Variants in KCNC1 observed in about 807,000 individuals in gnomAD.
KCNC1 encodes the protein potassium voltage-gated channel subfamily C member 1, also known as voltage-gated potassium channel KCNC1.
KCNC1 carries 8 observed loss-of-function variants against 43.4 expected under a neutral mutation model. That is an observed-to-expected ratio of 0.18 (90% confidence interval 0.11 to 0.33). The LOEUF (loss-of-function observed/expected upper bound fraction) is 0.33, where lower values mean the gene tolerates loss of function less well. KCNC1 is among the 10% of genes least tolerant of loss of function. The pLI is 1.00. For synonymous variants in KCNC1, 361 were observed against 360.5 expected, an observed-to-expected ratio of 1.00 and a Z score of -0.01; for missense variants, 420 against 836.0, an observed-to-expected ratio of 0.50 and a Z score of 6.14.
rs911683551 is a variant in KCNC1 at position 17,774,883 on chromosome 11, C to T, written c.1504+2285C>T. 6 of 985,486 alleles carry T rather than the reference C, an allele frequency of 6.1e-6. 1 individual carries two copies. In the South Asian group the frequency reaches 1.9e-4, roughly 31 times the overall value. The allele number at this position is 985,486 out of a possible 1,614,324, so 61.0% of individuals were successfully genotyped here. On this transcript the variant is annotated intron_variant, in intron 2 of 3. Transcript: ENST00000265969. ...GATATCCTGACCCCCGAGGCTCCAG[C>T]CTCATCCCTCACCAGAACACTTCTC...
At chr11:17,760,010 G>A (rs553486461) in intron 1 of KCNC1, among the ~76,000 whole-genome samples, 6 of 152,292 alleles carry the variant, frequency 3.9e-5, no homozygotes, top group South Asian at 4.2e-4. Context: ...TATATGGAGC[G>A]CCTTCCTACT....
intron 1 of KCNC1, among the ~76,000 whole-genome samples, chr11:17,740,446 G>A (rs926037018): frequency 6.6e-6 from 1 of 152,124 alleles, no homozygotes; most frequent in African/African-American, 2.4e-5. Context: ...GAGGGCAGGG[G>A]GGTCATAGAG....
At chr11:17,772,704 C>T (rs1327388561) in intron 2 of KCNC1, 106 bp downstream of exon 2, 23 of 1,531,136 alleles carry the variant, frequency 1.5e-5, no homozygotes, top group African/African-American at 8.3e-5. Flanking sequence ...TGGGTGACCC[C>T]GGACCCCGCA....
intron 1 of KCNC1, among the ~76,000 whole-genome samples, chr11:17,764,130 C>T: frequency 6.9e-6 from 1 of 145,094 alleles, no homozygotes; most frequent in Non-Finnish European, 1.5e-5. Flanking sequence ...CATAGACACA[C>T]ACACACCCCC....
Position 17,772,486 on chromosome 11 carries a change from G to T in KCNC1, c.1392G>T (p.Pro464=), listed in dbSNP as rs754731923. 1 of 1,614,200 alleles carries T rather than the reference G, an allele frequency of 6.2e-7. No individual in the cohort carries two copies. The highest frequency in any genetic ancestry group is 1.1e-5 in the South Asian group (1 of 91,082). ...KKKKKHIPRP[P]QLGSPNYCKS... ...AAAAGAAGCATATTCCGCGGCCACC[G>T]CAGCTGGGATCTCCCAATTATTGTA... Residue 464 remains proline, a synonymous_variant, in exon 2 of 4, where the codon CCG becomes CCT. Transcript: ENST00000265969.
intron 1 of KCNC1, among the ~76,000 whole-genome samples, chr11:17,747,643 G>A (rs909267819): frequency 2.0e-4 from 30 of 152,300 alleles, no homozygotes; most frequent in African/African-American, 6.7e-4. Context: ...GGGTGGGGAC[G>A]AGCTAATATT....
chr11:17,779,766 A>G lies in KCNC1; in HGVS notation c.1693+122A>G, dbSNP rs1234335968. ...GGCAGGCACACCGAGGGGGGCAAGGATGGAGGGAATCTCCCAGGGTCGGCC... is the reference window on the plus strand; with the variant it reads ...GGCAGGCACACCGAGGGGGGCAAGGGTGGAGGGAATCTCCCAGGGTCGGCC... On this transcript the variant is annotated intron_variant, in intron 3 of 3. Coordinates refer to ENST00000265969, the MANE Select transcript of KCNC1 (RefSeq NM_001112741.2). The surrounding 1 kb of genome is among the most constrained non-coding windows in gnomAD (Gnocchi z 7.2). The G allele has an allele frequency of 4.9e-5, 38 of 770,314 alleles. No individual in the cohort carries two copies. The highest frequency in any genetic ancestry group is 6.7e-5 in the Non-Finnish European group (35 of 521,122). The allele number at this position is 770,314 out of a possible 1,614,324, so 47.7% of individuals were successfully genotyped here.
chr11:17,751,498 CG>C, intron 1 of KCNC1, among the ~76,000 whole-genome samples: 1 of 152,140 alleles, frequency 6.6e-6, no homozygotes, highest in East Asian at 1.9e-4. Context: ...ACATCCTGGA[CG>C]ATGGGACTTG....
chr11:17,762,550 T>C (rs891149195), intron 1 of KCNC1, among the ~76,000 whole-genome samples: 4 of 152,052 alleles, frequency 2.6e-5, no homozygotes, highest in African/African-American at 9.7e-5. Flanking sequence ...AGCAGGCGGG[T>C]GTGACGTCAC....
In KCNC1 at chr11:17,773,348, G is replaced by C; in HGVS notation, c.1504+750G>C. The C allele has an allele frequency of 1.0e-6, 1 of 985,436 alleles. No individual in the cohort carries two copies. Among genetic ancestry groups the C allele is most frequent in the Non-Finnish European group, 1.2e-6 (1 of 829,952 alleles). The allele number at this position is 985,436 out of a possible 1,614,324, so 61.0% of individuals were successfully genotyped here. A position where few individuals can be genotyped will look rare whatever the true frequency, so the allele number is the denominator to read the frequency against. On this transcript the variant is annotated intron_variant, in intron 2 of 3. Transcript: ENST00000265969. The surrounding 1 kb of genome is among the most constrained non-coding windows in gnomAD (Gnocchi z 4.1). ...TTCACGTTGTCTGTTTGGGTTGATG[G>C]TCGAGTGGGAGTTTCCGGTGACCCG...
intron 1 of KCNC1, among the ~76,000 whole-genome samples, chr11:17,761,654 C>A (rs1012476885): frequency 6.6e-6 from 1 of 152,240 alleles, no homozygotes; most frequent in Admixed American, 6.5e-5. Flanking sequence ...TTTCCTTCCA[C>A]CATGTGGCCT....
At chr11:17,763,456 C>T (rs1419499387) in intron 1 of KCNC1, among the ~76,000 whole-genome samples, 2 of 151,830 alleles carry the variant, frequency 1.3e-5, no homozygotes, top group Non-Finnish European at 2.9e-5. Flanking sequence ...GGAGATGGCC[C>T]GGACACGCAC....
At chr11:17,780,237 A>C (rs2133810847) in intron 3 of KCNC1, 2 of 152,474 alleles carry the variant, frequency 1.3e-5, no homozygotes, top group South Asian at 4.1e-4. Flanking sequence ...ACTTGCCAAG[A>C]GAAGGTGGTT....
rs750885846 is a variant in KCNC1 at position 17,736,422 on chromosome 11, C to A, written c.420C>A (p.Gly140=). The part of the protein sequence containing the change: ...SADDADADGP[G]DSGDGEDELE... ...ACGACGCGGACGCCGACGGCCCTGG[C>A]GACTCGGGCGACGGCGAGGACGAGC... The change falls in exon 1 of 4, where the codon GGC becomes GGA. Residue 140 remains glycine, a synonymous_variant. Transcript: ENST00000265969. The surrounding 1 kb of genome is among the most constrained non-coding windows in gnomAD (Gnocchi z 9.3). 24 of 1,607,428 alleles carry A rather than the reference C, an allele frequency of 1.5e-5. No individual in the cohort carries two copies. The highest frequency in any genetic ancestry group is 2.0e-5 in the Non-Finnish European group (24 of 1,178,278).
Position 17,782,627 on chromosome 11 carries a change from A to T in KCNC1, c.*893A>T, listed in dbSNP as rs1419557548. 6.6e-6 allele frequency: 1 copy of T among 152,230 alleles called. No individual in the cohort carries two copies. The allele number at this position is 152,230 out of a possible 1,614,324, so 9.4% of individuals were successfully genotyped here. On this transcript the variant is annotated 3_prime_UTR_variant, in exon 4 of 4. Coordinates refer to ENST00000265969, the MANE Select transcript of KCNC1 (RefSeq NM_001112741.2). ...GGAGCAGCCTCCTCCACCTTTACTAAGGCACAACCTGGCATTGTATGCAAT... is the reference window on the plus strand; with the variant it reads ...GGAGCAGCCTCCTCCACCTTTACTATGGCACAACCTGGCATTGTATGCAAT...
intron 1 of KCNC1, among the ~76,000 whole-genome samples, chr11:17,743,377 C>T (rs951919158): frequency 6.6e-6 from 1 of 151,932 alleles, no homozygotes; most frequent in African/African-American, 2.4e-5. Flanking sequence ...GTCTGGGTCT[C>T]TCCCTCCCCA....
At chr11:17,749,192 C>T (rs142004334) in intron 1 of KCNC1, among the ~76,000 whole-genome samples, 2 of 152,328 alleles carry the variant, frequency 1.3e-5, no homozygotes, top group East Asian at 1.9e-4. Context: ...GAGGGGATAA[C>T]GAGAGTCCCT....
intron 2 of KCNC1, chr11:17,775,281 T>TACCAACCCCC: frequency 1.1e-6 from 1 of 935,840 alleles, no homozygotes; most frequent in Non-Finnish European, 1.3e-6. Context: ...TCTGAGGGCA[T>TACCAACCCCC]CCCTCCCGCC....
At chr11:17,753,378 T>G (rs1435995906) in intron 1 of KCNC1, among the ~76,000 whole-genome samples, 1 of 152,210 alleles carries the variant, frequency 6.6e-6, no homozygotes, top group Non-Finnish European at 1.5e-5. Context: ...TGGAGAATGC[T>G]CAGGCTACAG....
Sources: gnomAD v4.1 joint callset for allele counts (sites outside exome capture counted in the v4.1 genomes callset) on GRCh38, gnomAD v4.1.1 for gene constraint, Gnocchi (gnomAD v3.1) non-coding constraint, MANE v1.5 for transcripts, NCBI Gene and HGNC (gene_info 2026-07-23, HGNC 2026-07-21) for gene names.